The following SORBS2 variants were observed in gnomAD, a reference collection of about 807,000 sequenced individuals.
SORBS2 encodes the protein sorbin and SH3 domain-containing protein 2.
SORBS2 carries 46 observed loss-of-function variants against 97.7 expected under a neutral mutation model. That is an observed-to-expected ratio of 0.47 (90% CI 0.37 to 0.60). SORBS2 has a LOEUF of 0.60. SORBS2 is among the 20% of genes least tolerant of loss of function. The pLI, the probability that SORBS2 is intolerant of heterozygous loss-of-function variation, is 0.00. For missense variants in SORBS2, 1,316 were observed against 1,282.3 expected (o/e 1.03, Z -0.40); for synonymous variants, 476 against 473.4 (o/e 1.01, Z -0.07).
Position 185,606,444 on chromosome 4 carries a change from A to G in SORBS2, c.2796+5336T>C. 1 of 974,176 alleles carries G rather than the reference A, an allele frequency of 1.0e-6. No individual in the cohort carries two copies. The highest frequency in any genetic ancestry group is 4.8e-5 in the South Asian group (1 of 21,028). The allele number at this position is 974,176 out of a possible 1,614,324, so 60.3% of individuals were successfully genotyped here. On this transcript the variant is annotated intron_variant, in intron 12 of 14. Transcript: ENST00000418609. This position sits in a 1 kb window ranked among gnomAD's most constrained non-coding sequence, Gnocchi z 4.3. ...TGGTGTGTTTTCATATACCCACTCC[A>G]CCCCCATCTTATATAGTATTTGTGT...
rs572049323 is a variant in SORBS2, at chr4:185,725,268, G to T, written c.-197-46446C>A. On this transcript the variant is annotated intron_variant, in intron 2 of 20. Coordinates refer to the SORBS2 transcript ENST00000284776. ...AAGGATGGAAATTATCCTGCAAAAAGCGCCAGGCTGCAGAGGTTCTTGTTT... is the reference window on the plus strand; with the variant it reads ...AAGGATGGAAATTATCCTGCAAAAATCGCCAGGCTGCAGAGGTTCTTGTTT... Among the ~76,000 whole-genome samples, 4 of 152,242 alleles carry T rather than the reference G, an allele frequency of 2.6e-5. No homozygotes were observed. In the South Asian group the frequency reaches 8.3e-4, roughly 32 times the overall value.
At chr4:185,809,439 G>A (rs1248895382) in intron 1 of SORBS2, among the ~76,000 whole-genome samples, 22 of 123,130 alleles carry the variant, frequency 1.8e-4, no homozygotes, top group Non-Finnish European at 2.1e-4. Context: ...TGACTCTTCA[G>A]GGGGCACTGC....
At chr4:185,836,684 C>A (rs1258128114) in intron 1 of SORBS2, among the ~76,000 whole-genome samples, 1 of 152,170 alleles carries the variant, frequency 6.6e-6, no homozygotes, top group African/African-American at 2.4e-5. Flanking sequence ...AAACCCAGCT[C>A]ATGAGGCACC....
chr4:185,678,264 A>G lies in SORBS2; in HGVS notation c.-46+159T>C, dbSNP rs539651418. Among the ~76,000 whole-genome samples the G allele has an allele frequency of 6.6e-5, 10 of 152,364 alleles. No homozygotes were observed. The South Asian group carries it at 1.7e-3, about 25-fold the overall frequency. On this transcript the variant is annotated intron_variant, in intron 4 of 20. Coordinates refer to the SORBS2 transcript ENST00000284776. ...CCTTGTTTGTTAAAATTTGTTCTCC[A>G]TGTTGTAAATACAAACCTGGCAAGC... is the stretch of plus-strand genomic sequence containing the variant.
chr4:185,785,737 C>A (rs1439799739), intron 1 of SORBS2, among the ~76,000 whole-genome samples: 1 of 152,206 alleles, frequency 6.6e-6, no homozygotes, highest in Non-Finnish European at 1.5e-5. Flanking sequence ...AGGCCCTCCC[C>A]ACGTGTTGGC....
chr4:185,757,067 TTCAC>T (rs2098836088), intron 2 of SORBS2: 1 of 718,402 alleles, frequency 1.4e-6, no homozygotes, highest in Non-Finnish European at 2.6e-6. Context: ...TCCATTTTTG[TTCAC>T]TTTGGGATGG....
At chr4:185,878,592 C>T (rs1351995284) in intron 1 of SORBS2, among the ~76,000 whole-genome samples, 1 of 152,172 alleles carries the variant, frequency 6.6e-6, no homozygotes, top group Non-Finnish European at 1.5e-5. Flanking sequence ...CGCCCATCAC[C>T]TCCAATGCCA....
intron 12 of SORBS2, among the ~76,000 whole-genome samples, chr4:185,596,493 C>T (rs1208097393): frequency 4.1e-5 from 6 of 148,146 alleles, no homozygotes; most frequent in Admixed American, 6.7e-5. Flanking sequence ...GGCTGGAGAA[C>T]GTATGTTCCT....
chr4:185,686,291 T>G (rs1173603494), intron 2 of SORBS2, among the ~76,000 whole-genome samples: 1 of 152,180 alleles, frequency 6.6e-6, no homozygotes, highest in Non-Finnish European at 1.5e-5. Flanking sequence ...AAGGAATTTT[T>G]CATAAAATTT....
chr4:185,951,705 T>C (rs1869621), intron 1 of SORBS2, among the ~76,000 whole-genome samples: 5,647 of 152,312 alleles, frequency 0.037, 208 homozygotes, highest in African/African-American at 0.084. Flanking sequence ...AAGGTAAATT[T>C]TCCTAATTTG....
chr4:185,916,366 C>T (rs926834535), intron 1 of SORBS2, among the ~76,000 whole-genome samples: 1 of 152,198 alleles, frequency 6.6e-6, no homozygotes, highest in African/African-American at 2.4e-5. Context: ...GGGAGCATGG[C>T]TTGCAGAGTT....
intron 1 of SORBS2, among the ~76,000 whole-genome samples, chr4:185,937,566 C>T (rs1183783955): frequency 3.3e-5 from 5 of 152,280 alleles, no homozygotes; most frequent in African/African-American, 9.6e-5. Flanking sequence ...AAAAGTACCT[C>T]TAGGTCTGTC....
upstream of SORBS2, among the ~76,000 whole-genome samples, chr4:185,660,822 G>A (rs1350835820): frequency 6.6e-6 from 1 of 152,184 alleles, no homozygotes; most frequent in African/African-American, 2.4e-5. Flanking sequence ...GTGCAGGATG[G>A]TGCTGCTGTC....
intron 12 of SORBS2, among the ~76,000 whole-genome samples, chr4:185,605,369 G>A (rs905389471): frequency 1.3e-5 from 2 of 152,066 alleles, no homozygotes; most frequent in Non-Finnish European, 2.9e-5. Context: ...TGCAACCTCC[G>A]CCTCCCGGTT....
chr4:185,618,815 G>A (rs559841183), intron 8 of SORBS2, among the ~76,000 whole-genome samples, 184 bp from the exon 21 acceptor site: 31 of 152,260 alleles, frequency 2.0e-4, no homozygotes, highest in Middle Eastern at 3.4e-3. Context: ...GCTATAATAG[G>A]AATATAATAG....
chr4:185,921,780 C>T (rs2099261027), intron 1 of SORBS2, among the ~76,000 whole-genome samples: 1 of 152,218 alleles, frequency 6.6e-6, no homozygotes, highest in Admixed American at 6.5e-5. Flanking sequence ...TGTCTGCAAG[C>T]CTTCCGGGAT....
At chr4:185,614,801 A>C in intron 11 of SORBS2, 30 bp downstream of exon 23, 1 of 1,611,900 alleles carries the variant, frequency 6.2e-7, no homozygotes, top group Non-Finnish European at 8.5e-7. Flanking sequence ...AACAAACAAA[A>C]ACAAACAAAC....
upstream of SORBS2, chr4:185,657,028 G>T (rs2097418664): frequency 5.9e-6 from 4 of 681,460 alleles, no homozygotes; most frequent in Middle Eastern, 6.0e-4. Context: ...ACACATCACT[G>T]CTTTATTCGC....
At chr4:185,706,772 T>C (rs1169943259) in intron 2 of SORBS2, among the ~76,000 whole-genome samples, 1 of 152,232 alleles carries the variant, frequency 6.6e-6, no homozygotes. Context: ...GTTTTAATCT[T>C]TATAATGATA....
Sources: allele counts gnomAD v4.1 joint callset (sites outside exome capture counted in the v4.1 genomes callset), GRCh38; gene constraint gnomAD v4.1.1; non-coding constraint Gnocchi (gnomAD v3.1); transcripts MANE v1.5; gene names NCBI Gene and HGNC (gene_info 2026-07-23, HGNC 2026-07-21).